Variants in MACROD2 observed in about 807,000 individuals in gnomAD.
MACROD2 encodes the protein mono-ADP ribosylhydrolase 2.
MACROD2 carries 36 observed loss-of-function variants against 70.4 expected under a neutral mutation model. The ratio of observed to expected loss-of-function variants is 0.51; its 90% CI spans 0.39 to 0.68. MACROD2 has a LOEUF of 0.68. Among genes scored for constraint, MACROD2 ranks in the 30% least tolerant of loss-of-function variants. The probability of loss-of-function intolerance (pLI) is 0.00; values close to 1 mark genes in which losing one functional copy is unlikely to be tolerated. For synonymous variants in MACROD2, 172 were observed against 178.8 expected (o/e 0.96, Z 0.30); for missense variants, 496 against 538.4 (o/e 0.92, Z 0.78).
intron 3 of MACROD2, among the ~76,000 whole-genome samples, chr20:14,216,950 T>TA (rs1285948679): frequency 1.3e-5 from 2 of 152,078 alleles, no homozygotes; most frequent in African/African-American, 2.4e-5. Flanking sequence ...CATATTGTCA[T>TA]AAAAAATGAC....
rs2047444797 is a variant in MACROD2, at chr20:15,507,611, G to A, written c.645+7764G>A. ...TCATTGTCGGGATTTGTGACAAGCA[G>A]TTATTGTTCCCACGGTTAGAATAAA... On this transcript the variant is annotated intron_variant, in intron 8 of 17. Coordinates refer to ENST00000684519, the MANE Select transcript of MACROD2 (RefSeq NM_001351661.2). 2.0e-5 allele frequency among the ~76,000 whole-genome samples: 3 copies of A among 151,752 alleles called. No homozygotes were observed. In the South Asian group the frequency reaches 6.2e-4, roughly 32 times the overall value.
intron 6 of MACROD2, among the ~76,000 whole-genome samples, chr20:15,354,186 T>C (rs2146230105): frequency 6.6e-6 from 1 of 152,096 alleles, no homozygotes; most frequent in South Asian, 2.1e-4. Flanking sequence ...AATGATGAGT[T>C]CATGTCCTTT....
At chr20:14,800,109 G>A (rs1443534442) in intron 5 of MACROD2, among the ~76,000 whole-genome samples, 1 of 151,496 alleles carries the variant, frequency 6.6e-6, no homozygotes, top group Non-Finnish European at 1.5e-5. Context: ...GAAACTAGGA[G>A]GAAGGCACCT....
At chr20:15,268,870 G>A (rs914029187) in intron 6 of MACROD2, among the ~76,000 whole-genome samples, 5 of 152,012 alleles carry the variant, frequency 3.3e-5, no homozygotes, top group African/African-American at 9.6e-5. Context: ...AACTCCCCAC[G>A]GGAAAAAAAA....
At chr20:14,733,396 C>G (rs572084590) in intron 5 of MACROD2, among the ~76,000 whole-genome samples, 1 of 152,144 alleles carries the variant, frequency 6.6e-6, no homozygotes, top group East Asian at 1.9e-4. Context: ...TAACCCTTTT[C>G]CTGCATAGGT....
At chr20:14,171,272 A>G (rs2081218518) in intron 3 of MACROD2, among the ~76,000 whole-genome samples, 1 of 152,070 alleles carries the variant, frequency 6.6e-6, no homozygotes, top group Non-Finnish European at 1.5e-5. Flanking sequence ...AAGTTTGTTA[A>G]TTAATTTTCG....
chr20:14,898,355 T>G (rs562310775), intron 5 of MACROD2, among the ~76,000 whole-genome samples: 190 of 152,116 alleles, frequency 1.2e-3, no homozygotes, highest in Non-Finnish European at 2.3e-3. Flanking sequence ...AATTTAAGCT[T>G]AGAGCTCACT....
intron 5 of MACROD2, among the ~76,000 whole-genome samples, chr20:14,975,906 G>A (rs970480547): frequency 6.6e-6 from 1 of 152,176 alleles, no homozygotes; most frequent in East Asian, 1.9e-4. Context: ...AGTTATGGAC[G>A]TATTTGATGT....
At chr20:14,252,094 A>G (rs551082897) in intron 3 of MACROD2, among the ~76,000 whole-genome samples, 63 of 152,202 alleles carry the variant, frequency 4.1e-4, no homozygotes, top group Non-Finnish European at 5.9e-4. Flanking sequence ...GAAGATGTTA[A>G]ATATATCGGA....
chr20:14,192,546 G>C (rs2081397140), intron 3 of MACROD2, among the ~76,000 whole-genome samples: 1 of 152,162 alleles, frequency 6.6e-6, no homozygotes, highest in Non-Finnish European at 1.5e-5. Context: ...GGAGATGCCA[G>C]GACAGATCTA....
chr20:14,093,324 C>T (rs1006420250), intron 3 of MACROD2, among the ~76,000 whole-genome samples: 13 of 151,992 alleles, frequency 8.6e-5, no homozygotes, highest in South Asian at 4.2e-4. Flanking sequence ...TAGCTTCAAG[C>T]GATCCTACTA....
chr20:14,364,333 T>G (rs2083252497), intron 3 of MACROD2, among the ~76,000 whole-genome samples: 1 of 152,250 alleles, frequency 6.6e-6, no homozygotes, highest in South Asian at 2.1e-4. Flanking sequence ...AACCTCATTC[T>G]ACAGTGAGCT....
intron 3 of MACROD2, among the ~76,000 whole-genome samples, chr20:14,279,463 A>G (rs2082286879): frequency 6.6e-6 from 1 of 152,128 alleles, no homozygotes; most frequent in African/African-American, 2.4e-5. Context: ...TCTTGTGATA[A>G]TAGTCATAAC....
At chr20:15,094,014 T>A (rs2075810917) in intron 5 of MACROD2, among the ~76,000 whole-genome samples, 1 of 152,208 alleles carries the variant, frequency 6.6e-6, no homozygotes, top group Non-Finnish European at 1.5e-5. Context: ...TGGTCAAACA[T>A]GGTTGTCTGG....
intron 6 of MACROD2, among the ~76,000 whole-genome samples, chr20:15,347,667 T>C (rs1371757518): frequency 6.6e-6 from 1 of 152,204 alleles, no homozygotes; most frequent in Non-Finnish European, 1.5e-5. Context: ...TCACTTATAA[T>C]ATAATATGAT....
intron 15 of MACROD2, among the ~76,000 whole-genome samples, chr20:16,002,541 G>C (rs1007477695): frequency 6.6e-6 from 1 of 152,142 alleles, no homozygotes; most frequent in Non-Finnish European, 1.5e-5. Context: ...ACAAGAGAGC[G>C]ATTGAGATTT....
intron 8 of MACROD2, among the ~76,000 whole-genome samples, chr20:15,650,471 C>A (rs1248969465): frequency 1.3e-5 from 2 of 152,176 alleles, no homozygotes; most frequent in Non-Finnish European, 2.9e-5. Context: ...TATATTCTTT[C>A]GCTTGGCAAA....
intron 3 of MACROD2, among the ~76,000 whole-genome samples, chr20:14,238,349 A>T (rs1601387343): frequency 6.6e-6 from 1 of 152,312 alleles, no homozygotes; most frequent in South Asian, 2.1e-4. Context: ...TTTTAATGAA[A>T]TTCAACATCC....
intron 15 of MACROD2, among the ~76,000 whole-genome samples, chr20:16,029,002 G>C (rs1016765773): frequency 6.6e-6 from 1 of 152,176 alleles, no homozygotes; most frequent in Non-Finnish European, 1.5e-5. Context: ...AGTTCTGGAG[G>C]CTGGAAGTCC....
Sources: gnomAD v4.1 joint callset for allele counts (sites outside exome capture counted in the v4.1 genomes callset) on GRCh38, gnomAD v4.1.1 for gene constraint, MANE v1.5 for transcripts, NCBI Gene and HGNC (gene_info 2026-07-23, HGNC 2026-07-21) for gene names.